Variants in TRAPPC9 observed in about 807,000 individuals in gnomAD.
The protein encoded by TRAPPC9 is trafficking protein particle complex subunit 9.
TRAPPC9 carries 83 observed loss-of-function variants against 124.0 expected under a neutral mutation model. The ratio of observed to expected loss-of-function variants is 0.67; its 90% CI spans 0.56 to 0.80. The LOEUF (loss-of-function observed/expected upper bound fraction) is 0.80. Ranked by LOEUF, TRAPPC9 falls within the 30% of genes least tolerant of loss-of-function variation. The probability of loss-of-function intolerance (pLI) is 0.00; values close to 1 mark genes in which losing one functional copy is unlikely to be tolerated. For missense variants in TRAPPC9, 1,302 were observed against 1,508.3 expected (o/e 0.86, Z 2.27); for synonymous variants, 638 against 617.5 (o/e 1.03, Z -0.49).
At chr8:140,385,516 C>T (rs2068730749) in intron 7 of TRAPPC9, among the ~76,000 whole-genome samples, 1 of 152,072 alleles carries the variant, frequency 6.6e-6, no homozygotes, top group Non-Finnish European at 1.5e-5. Flanking sequence ...ATACAAACTA[C>T]CATCAGAGAA....
chr8:139,868,271 G>C (rs1334477798), intron 21 of TRAPPC9, among the ~76,000 whole-genome samples: 1 of 152,174 alleles, frequency 6.6e-6, no homozygotes, highest in Non-Finnish European at 1.5e-5. Context: ...AGGCAGAATT[G>C]CCTGAACCCA....
At chr8:139,871,670 G>C (rs1487680531) in intron 21 of TRAPPC9, among the ~76,000 whole-genome samples, 1 of 152,260 alleles carries the variant, frequency 6.6e-6, no homozygotes, top group Non-Finnish European at 1.5e-5. Context: ...CAGGCAGCTA[G>C]AGGAGGAGGA....
chr8:139,905,871 G>T (rs1037789938), intron 20 of TRAPPC9, among the ~76,000 whole-genome samples: 1 of 152,106 alleles, frequency 6.6e-6, no homozygotes, highest in Non-Finnish European at 1.5e-5. Flanking sequence ...GAGGCGGGCG[G>T]ATCACGAGGT....
intron 21 of TRAPPC9, among the ~76,000 whole-genome samples, chr8:139,757,383 C>T (rs1292204096): frequency 2.8e-5 from 4 of 144,668 alleles, no homozygotes; most frequent in East Asian, 2.1e-4. Context: ...ATGAGGACAG[C>T]AGGTCGCAGG....
At chr8:139,792,660 T>C (rs1455934642) in intron 21 of TRAPPC9, among the ~76,000 whole-genome samples, 1 of 152,196 alleles carries the variant, frequency 6.6e-6, no homozygotes, top group Admixed American at 6.5e-5. Flanking sequence ...TGAAGACCAG[T>C]CCTGGGTGTC....
At position 140,279,226 on chromosome 8, in the gene TRAPPC9, A is replaced by T. The variant is rs186136111; in HGVS notation, c.2115-3405T>A. Among the ~76,000 whole-genome samples the T allele has an allele frequency of 3.3e-5, 5 of 152,334 alleles. No individual in the cohort carries two copies. In the East Asian group the frequency reaches 9.6e-4, roughly 29 times the overall value. On this transcript the variant is annotated intron_variant, in intron 14 of 22. Coordinates refer to ENST00000438773, the MANE Select transcript of TRAPPC9 (RefSeq NM_001160372.4). ...AGCAAATTTGACTCTAGTTAGTCTG[A>T]GTACCTCCTTCCAGACTGAGAGCTC...
At chr8:139,947,907 T>TATATATATATATATATATATATAGAGAG in intron 19 of TRAPPC9, among the ~76,000 whole-genome samples, 9 of 60,342 alleles carry the variant, frequency 1.5e-4, no homozygotes, top group Non-Finnish European at 2.0e-4. Context: ...TATATATATA[T>TATATATATATATATATATATATAGAGAG]AGAGAGAGAG....
chr8:140,413,980 T>C (rs2069806946), intron 5 of TRAPPC9, among the ~76,000 whole-genome samples: 1 of 151,918 alleles, frequency 6.6e-6, no homozygotes, highest in Admixed American at 6.6e-5. Context: ...TACGTGTGCA[T>C]GTGTCTTTAT....
At position 139,728,930 on chromosome 8, in the gene TRAPPC9, G is replaced by A. The variant is rs1230879815; in HGVS notation, c.*2131C>T. On this transcript the variant is annotated 3_prime_UTR_variant, in exon 23 of 23. Transcript: ENST00000438773. ...AAGAAATAATTACAGTCACCAATATGCTTGCCACTCAGAATCAAACACTGC... is the reference window on the plus strand; with the variant it reads ...AAGAAATAATTACAGTCACCAATATACTTGCCACTCAGAATCAAACACTGC... Among the ~76,000 whole-genome samples the A allele has an allele frequency of 6.6e-6, 1 of 152,224 alleles. No individual in the cohort carries two copies. Among genetic ancestry groups the A allele is most frequent in the Non-Finnish European group, 1.5e-5 (1 of 68,034 alleles).
chr8:140,412,831 G>C (rs192801919), intron 5 of TRAPPC9, among the ~76,000 whole-genome samples: 3 of 151,970 alleles, frequency 2.0e-5, no homozygotes, highest in East Asian at 1.9e-4. Flanking sequence ...GATGTATTTC[G>C]TAAAGACAAA....
chr8:140,230,033 GT>G (rs1252621382), intron 16 of TRAPPC9, among the ~76,000 whole-genome samples: 1 of 152,186 alleles, frequency 6.6e-6, no homozygotes, highest in Non-Finnish European at 1.5e-5. Context: ...CTTCCTCCCA[GT>G]CATTTCACAG....
At chr8:140,165,637 G>A (rs1484324834) in intron 17 of TRAPPC9, among the ~76,000 whole-genome samples, 1 of 139,296 alleles carries the variant, frequency 7.2e-6, no homozygotes, top group Admixed American at 7.2e-5. Flanking sequence ...GCAAAGGGGA[G>A]GGGGGGATGC....
intron 17 of TRAPPC9, among the ~76,000 whole-genome samples, chr8:140,194,369 A>C (rs1003507199): frequency 2.6e-5 from 4 of 152,126 alleles, no homozygotes; most frequent in African/African-American, 9.7e-5. Flanking sequence ...TAACCCATGC[A>C]CATCCTTCTG....
chr8:139,898,827 A>G (rs996527541), intron 20 of TRAPPC9, among the ~76,000 whole-genome samples: 8 of 152,148 alleles, frequency 5.3e-5, no homozygotes, highest in African/African-American at 1.9e-4. Flanking sequence ...CACATTGAAA[A>G]AACAGAAACA....
intron 14 of TRAPPC9, among the ~76,000 whole-genome samples, chr8:140,281,208 C>T (rs1043570889): frequency 3.9e-5 from 6 of 152,220 alleles, no homozygotes; most frequent in Non-Finnish European, 7.3e-5. Context: ...TCTGAAGAAA[C>T]TGCCAATGTA....
intron 7 of TRAPPC9, among the ~76,000 whole-genome samples, chr8:140,378,193 T>C (rs139100706): frequency 2.6e-5 from 4 of 152,276 alleles, no homozygotes; most frequent in Admixed American, 2.6e-4. Flanking sequence ...TTGGATTGGT[T>C]TTGTTTCCTT....
At chr8:139,961,344 T>C (rs1432122294) in intron 19 of TRAPPC9, among the ~76,000 whole-genome samples, 7 of 124,062 alleles carry the variant, frequency 5.6e-5, no homozygotes, top group African/African-American at 1.8e-4. Flanking sequence ...GTATACTCCA[T>C]GGAGCCAGTG....
At chr8:140,073,064 C>G (rs997675098) in intron 17 of TRAPPC9, among the ~76,000 whole-genome samples, 2 of 152,140 alleles carry the variant, frequency 1.3e-5, no homozygotes, top group Non-Finnish European at 2.9e-5. Flanking sequence ...ATGGTGAAGG[C>G]GCACAGCACC....
chr8:140,405,729 C>A, intron 5 of TRAPPC9, 31 bp from the exon 6 acceptor site: 1 of 1,613,558 alleles, frequency 6.2e-7, no homozygotes, highest in Non-Finnish European at 8.5e-7. Flanking sequence ...AAGAAATAAT[C>A]TTTTGCTTTT....
Sources: allele counts gnomAD v4.1 joint callset (sites outside exome capture counted in the v4.1 genomes callset), GRCh38; gene constraint gnomAD v4.1.1; transcripts MANE v1.5; gene names NCBI Gene and HGNC (gene_info 2026-07-23, HGNC 2026-07-21).